The following C11orf65 variants were observed in gnomAD, a reference collection of about 807,000 sequenced individuals.
C11orf65 encodes chromosome 11 open reading frame 65, also known as protein MFI.
C11orf65 carries 38 observed loss-of-function variants against 35.3 expected under a neutral mutation model. The observed-to-expected ratio is 1.08, with a 90% confidence interval of 0.83 to 1.41. C11orf65 has a LOEUF of 1.41. C11orf65 is among the 40% of genes most tolerant of loss of function. C11orf65 has a pLI of 0.00. For missense variants in C11orf65, 370 were observed against 367.1 expected (o/e 1.01, Z -0.06); for synonymous variants, 105 against 114.4 (o/e 0.92, Z 0.53).
chr11:108,390,926 CTTA>C (rs1195963184), intron 7 of C11orf65, among the ~76,000 whole-genome samples: 1 of 151,918 alleles, frequency 6.6e-6, no homozygotes, highest in Non-Finnish European at 1.5e-5. Flanking sequence ...TTATCTTTTC[CTTA>C]TTATTTTCTG....
At chr11:108,451,652 CTACTT>C (rs1296533440) in intron 2 of C11orf65, among the ~76,000 whole-genome samples, 5 of 152,246 alleles carry the variant, frequency 3.3e-5, no homozygotes, top group South Asian at 2.1e-4. Context: ...TTGGAAAAGA[CTACTT>C]TAAAGTTCAC....
Position 108,390,733 on chromosome 11 carries a change from C to T in C11orf65, c.731+2475G>A, listed in dbSNP as rs192976772. On this transcript the variant is annotated intron_variant, in intron 7 of 8. Transcript: ENST00000393084. Reference sequence around the variant, plus strand: ...CATTGCAGCTCCTTTGTTTGGCTGTCATTTCTTGCATCATTATTACCATCT... The same window carrying T: ...CATTGCAGCTCCTTTGTTTGGCTGTTATTTCTTGCATCATTATTACCATCT... 3.9e-5 allele frequency among the ~76,000 whole-genome samples: 6 copies of T among 152,264 alleles called. No individual in the cohort carries two copies. The South Asian group carries it at 1.0e-3, about 26-fold the overall frequency.
chr11:108,380,063 C>A (rs2091837090), downstream of C11orf65, among the ~76,000 whole-genome samples: 1 of 152,134 alleles, frequency 6.6e-6, no homozygotes, highest in South Asian at 2.1e-4. Context: ...AATTCAGTTG[C>A]CCAAATGCTT....
At position 108,458,351 on chromosome 11, in the gene C11orf65, GTC is replaced by G. The variant is rs796959348; in HGVS notation, c.81+3126_81+3127del. ...AGCCTGGGAGACAGAGCAAGACTCT[GTC>G]TCAAAAAAAAAAAAAAAAAAAAAAA... On this transcript the variant is annotated intron_variant, in intron 2 of 8. Transcript: ENST00000393084. 1.6e-3 allele frequency among the ~76,000 whole-genome samples: 164 copies of G among 101,910 alleles called. 2 individuals carry two copies. The highest frequency in any genetic ancestry group is 6.2e-3 in the African/African-American group (152 of 24,420). 66.9% of individuals were successfully genotyped at this position (101,910 alleles called of 152,430 possible). A position where few individuals can be genotyped will look rare whatever the true frequency, so the allele number is the denominator to read the frequency against.
At chr11:108,366,930 C>A in intron 2 of C11orf65, 1 of 222,352 alleles carries the variant, frequency 4.5e-6, no homozygotes. Context: ...ATGAGACTGG[C>A]AAATTGTTCC....
chr11:108,337,012 T>C (rs954799943), intron 2 of C11orf65, among the ~76,000 whole-genome samples: 4 of 152,250 alleles, frequency 2.6e-5, no homozygotes, highest in African/African-American at 9.6e-5. Flanking sequence ...CTTTTTTATA[T>C]ATTTCTAGTT....
chr11:108,329,122 A>G (rs768906734), downstream of C11orf65: 11 of 1,614,032 alleles, frequency 6.8e-6, no homozygotes, highest in Admixed American at 1.0e-4. Context: ...CAGATACTCA[A>G]TACCAAAGAA....
At chr11:108,459,363 G>T (rs1329756226) in intron 2 of C11orf65, among the ~76,000 whole-genome samples, 1 of 152,022 alleles carries the variant, frequency 6.6e-6, no homozygotes, top group African/African-American at 2.4e-5. Context: ...CCTACCTGCA[G>T]CTCTTGGTCT....
At chr11:108,358,411 C>A (rs2090298406) in intron 2 of C11orf65, among the ~76,000 whole-genome samples, 2 of 149,702 alleles carry the variant, frequency 1.3e-5, no homozygotes, top group African/African-American at 2.5e-5. Context: ...TCTAGCAAGG[C>A]AGGCCAACGT....
Position 108,428,065 on chromosome 11 carries a change from G to A in C11orf65, c.174+3681C>T, listed in dbSNP as rs554109946. Among the ~76,000 whole-genome samples, 20 of 151,728 alleles carry A rather than the reference G, an allele frequency of 1.3e-4. 1 individual carries two copies. In the South Asian group the frequency reaches 3.8e-3, roughly 28 times the overall value. On this transcript the variant is annotated intron_variant, in intron 3 of 8. Coordinates refer to ENST00000393084, the MANE Select transcript of C11orf65 (RefSeq NM_152587.5). ...GGGATGGTCTCGATCTCCTGACCTC[G>A]TGATCCACCCGCCTCGGCCTCCCAA...
chr11:108,431,380 A>G (rs911822869), intron 3 of C11orf65, among the ~76,000 whole-genome samples: 1 of 152,236 alleles, frequency 6.6e-6, no homozygotes, highest in Non-Finnish European at 1.5e-5. Context: ...GGATGAACAA[A>G]TATATACCCC....
chr11:108,321,820 G>A (rs1045415397), intron 6 of C11orf65, among the ~76,000 whole-genome samples: 2 of 151,924 alleles, frequency 1.3e-5, no homozygotes. Context: ...GACCAAATGT[G>A]TGTGTTTCTT....
At chr11:108,394,719 T>G (rs1591453911) in intron 6 of C11orf65, among the ~76,000 whole-genome samples, 1 of 152,124 alleles carries the variant, frequency 6.6e-6, no homozygotes, top group Non-Finnish European at 1.5e-5. Context: ...GGAAACAGCA[T>G]AGTGGTGATA....
chr11:108,388,812 T>C (rs2092077758), intron 7 of C11orf65, among the ~76,000 whole-genome samples: 1 of 152,216 alleles, frequency 6.6e-6, no homozygotes. Context: ...GTGGGGATTG[T>C]TCTGGGTTCT....
intron 3 of C11orf65, among the ~76,000 whole-genome samples, chr11:108,410,711 C>CTT (rs35785036): frequency 0.14 from 19,189 of 136,572 alleles, 1,545 homozygotes; most frequent in Non-Finnish European, 0.15. Flanking sequence ...CTTCCTTTTA[C>CTT]TTTTTTTTTT....
In C11orf65 at chr11:108,382,790, C is replaced by T. The variant is rs1353342549; in HGVS notation, c.*231G>A. Reference sequence around the variant, plus strand: ...ATGTAGTCTCTTTACTTAAGTGTGACTGTTAGAATACTACAGTTTCTCAGA... The same window carrying T: ...ATGTAGTCTCTTTACTTAAGTGTGATTGTTAGAATACTACAGTTTCTCAGA... On this transcript the variant is annotated 3_prime_UTR_variant, in exon 9 of 9. Coordinates refer to ENST00000393084, the MANE Select transcript of C11orf65 (RefSeq NM_152587.5). 1 of 984,212 alleles carries T rather than the reference C, an allele frequency of 1.0e-6. No homozygotes were observed. Among genetic ancestry groups the T allele is most frequent in the Non-Finnish European group, 1.2e-6 (1 of 828,972 alleles). 61.0% of individuals were successfully genotyped at this position (984,212 alleles called of 1,614,324 possible).
At chr11:108,312,049 T>G (rs2084207739) in intron 6 of C11orf65, among the ~76,000 whole-genome samples, 2 of 152,298 alleles carry the variant, frequency 1.3e-5, no homozygotes, top group Admixed American at 1.3e-4. Context: ...CTTATTGTGG[T>G]CTTTATTTGT....
At position 108,344,915 on chromosome 11, in the gene C11orf65, G is replaced by C. The variant is rs145359101; in HGVS notation, c.227-9623C>G. On this transcript the variant is annotated intron_variant, in intron 2 of 3. Coordinates refer to the C11orf65 transcript ENST00000524755. The stretch of plus-strand genomic sequence containing the variant: ...GCTACTCAAGAGGCTGAGGTGAGAG[G>C]ATTGCTTGAGCCCAGGGGCCAAAAT... 1.6e-4 allele frequency among the ~76,000 whole-genome samples: 24 copies of C among 152,042 alleles called. No individual in the cohort carries two copies. The East Asian group carries it at 4.5e-3, about 28-fold the overall frequency.
At chr11:108,444,284 G>C (rs1156752006) in intron 2 of C11orf65, among the ~76,000 whole-genome samples, 2 of 152,006 alleles carry the variant, frequency 1.3e-5, no homozygotes, top group African/African-American at 2.4e-5. Context: ...ATGAATCCCT[G>C]AATAGACCAA....
Sources: allele counts gnomAD v4.1 joint callset (sites outside exome capture counted in the v4.1 genomes callset), GRCh38; gene constraint gnomAD v4.1.1; transcripts MANE v1.5; gene names NCBI Gene and HGNC (gene_info 2026-07-23, HGNC 2026-07-21).